The following NXPE2 variants were observed in gnomAD, a reference collection of about 807,000 sequenced individuals.
NXPE2 encodes NXPE family member 2.
NXPE2 carries 34 observed loss-of-function variants against 34.4 expected under a neutral mutation model. That is an observed-to-expected ratio of 0.99 (90% CI 0.75 to 1.31). The LOEUF (loss-of-function observed/expected upper bound fraction) is 1.31. NXPE2 is among the 40% of genes most tolerant of loss of function. The pLI, the probability that NXPE2 is intolerant of heterozygous loss-of-function variation, is 0.00. For synonymous variants in NXPE2, 235 were observed against 231.3 expected, an observed-to-expected ratio of 1.02 and a Z score of -0.15; for missense variants, 649 against 672.5, an observed-to-expected ratio of 0.97 and a Z score of 0.39.
At chr11:114,509,720 C>T in the NXPE2 span, among the ~76,000 whole-genome samples, 16 of 151,964 alleles carry the variant, frequency 1.1e-4, no homozygotes, top group South Asian at 2.1e-4. Flanking sequence ...AGCTAAATGA[C>T]GAAGACACAT....
At chr11:114,743,910 T>C in the NXPE2 span, among the ~76,000 whole-genome samples, 65 of 151,288 alleles carry the variant, frequency 4.3e-4, no homozygotes, top group African/African-American at 1.5e-3. Context: ...TATATGTATA[T>C]TTACACATAT....
the NXPE2 span, among the ~76,000 whole-genome samples, chr11:114,596,180 G>T: frequency 6.6e-6 from 1 of 152,150 alleles, no homozygotes; most frequent in African/African-American, 2.4e-5. Context: ...AATACAATTT[G>T]CTGAATTGAA....
At chr11:114,596,125 G>A in the NXPE2 span, among the ~76,000 whole-genome samples, 1 of 152,278 alleles carries the variant, frequency 6.6e-6, no homozygotes, top group East Asian at 1.9e-4. Context: ...TCAAGACCCA[G>A]TTGGCAGGAT....
chr11:114,767,714 C>T, the NXPE2 span, among the ~76,000 whole-genome samples: 4 of 152,240 alleles, frequency 2.6e-5, no homozygotes, highest in African/African-American at 9.6e-5. Flanking sequence ...AGCACAGACT[C>T]CACACAGATG....
the NXPE2 span, among the ~76,000 whole-genome samples, chr11:114,472,909 A>T: frequency 6.6e-6 from 1 of 152,202 alleles, no homozygotes; most frequent in African/African-American, 2.4e-5. Context: ...TTTGTTTTAA[A>T]TGTGTTTCTA....
At chr11:114,806,457 A>G in the NXPE2 span, among the ~76,000 whole-genome samples, 2 of 151,844 alleles carry the variant, frequency 1.3e-5, no homozygotes, top group Non-Finnish European at 2.9e-5. Flanking sequence ...AAAAAAAATT[A>G]GACAAATGGA....
chr11:114,565,770 TA>T, the NXPE2 span, among the ~76,000 whole-genome samples: 1 of 152,156 alleles, frequency 6.6e-6, no homozygotes, highest in Non-Finnish European at 1.5e-5. Flanking sequence ...ATTTACAGTT[TA>T]AAAAGCTCAG....
chr11:114,657,751 T>A, the NXPE2 span, among the ~76,000 whole-genome samples: 3 of 152,182 alleles, frequency 2.0e-5, no homozygotes, highest in African/African-American at 7.2e-5. Context: ...GAAAAAAAGA[T>A]ATAAGAACCC....
intron 3 of NXPE2, 128 bp downstream of exon 3, chr11:114,698,906 G>A (rs1247610473): frequency 2.2e-6 from 2 of 907,424 alleles, no homozygotes; most frequent in East Asian, 2.7e-5. Context: ...TAGGTCCTCA[G>A]AGTCAGTTCA....
the NXPE2 span, among the ~76,000 whole-genome samples, chr11:114,506,018 A>T: frequency 6.6e-6 from 1 of 152,164 alleles, no homozygotes; most frequent in African/African-American, 2.4e-5. Context: ...AAATAAAGAA[A>T]TGGAGAAAAA....
At chr11:114,635,448 C>T in the NXPE2 span, among the ~76,000 whole-genome samples, 1 of 151,570 alleles carries the variant, frequency 6.6e-6, no homozygotes, top group African/African-American at 2.4e-5. Context: ...TAATTGAATA[C>T]CCTTTATTTC....
upstream of NXPE2, among the ~76,000 whole-genome samples, chr11:114,674,952 C>T (rs1277984400): frequency 2.0e-5 from 3 of 151,706 alleles, no homozygotes; most frequent in Admixed American, 6.6e-5. Flanking sequence ...GAATGATTCA[C>T]CATAATCAAG....
chr11:114,801,957 G>A, the NXPE2 span, among the ~76,000 whole-genome samples: 1 of 152,136 alleles, frequency 6.6e-6, no homozygotes, highest in East Asian at 1.9e-4. Flanking sequence ...ATCTATGGGT[G>A]TAGAGGTAAG....
the NXPE2 span, among the ~76,000 whole-genome samples, chr11:114,717,515 G>A: frequency 1.3e-5 from 2 of 152,164 alleles, no homozygotes; most frequent in Admixed American, 6.5e-5. Flanking sequence ...ATCTGCAACT[G>A]GTTAAATATT....
At chr11:114,690,141 G>T (rs1464320443) in intron 2 of NXPE2, among the ~76,000 whole-genome samples, 1 of 152,116 alleles carries the variant, frequency 6.6e-6, no homozygotes, top group Non-Finnish European at 1.5e-5. Context: ...AGTGTTGTTG[G>T]CTAGTTGCTT....
chr11:114,705,402 A>G (rs1432078363), intron 4 of NXPE2, among the ~76,000 whole-genome samples: 1 of 151,654 alleles, frequency 6.6e-6, no homozygotes, highest in Non-Finnish European at 1.5e-5. Flanking sequence ...TTTACAATTC[A>G]GCGAGGCCAA....
At chr11:114,753,171 C>A in the NXPE2 span, among the ~76,000 whole-genome samples, 1 of 152,078 alleles carries the variant, frequency 6.6e-6, no homozygotes, top group Non-Finnish European at 1.5e-5. Flanking sequence ...CTTTCAGAGG[C>A]CCTTGGGTCT....
the NXPE2 span, among the ~76,000 whole-genome samples, chr11:114,574,295 A>G: frequency 6.6e-6 from 1 of 152,060 alleles, no homozygotes; most frequent in African/African-American, 2.4e-5. Context: ...GTCATAGCTC[A>G]TGGAACTGGA....
At chr11:114,648,849 A>G in the NXPE2 span, among the ~76,000 whole-genome samples, 2 of 152,346 alleles carry the variant, frequency 1.3e-5, no homozygotes, top group African/African-American at 4.8e-5. Context: ...TAATTTGTAT[A>G]CCATAGTCAA....
Sources: gnomAD v4.1 joint callset for allele counts (sites outside exome capture counted in the v4.1 genomes callset) on GRCh38, gnomAD v4.1.1 for gene constraint, MANE v1.5 for transcripts, NCBI Gene and HGNC (gene_info 2026-07-23, HGNC 2026-07-21) for gene names.